The following ZNF428 variants were observed in gnomAD, a reference collection of about 807,000 sequenced individuals.
ZNF428 encodes enzyme-like protein PIT13.
Under a neutral mutation model 15.6 loss-of-function variants are expected in ZNF428, and 5 were observed. The observed-to-expected ratio is 0.32, with a 90% confidence interval of 0.17 to 0.67. The LOEUF (loss-of-function observed/expected upper bound fraction) is 0.67. Among genes scored for constraint, ZNF428 ranks in the 30% least tolerant of loss-of-function variants. The probability of loss-of-function intolerance (pLI) is 0.73; values close to 1 mark genes in which losing one functional copy is unlikely to be tolerated. For missense variants in ZNF428, 237 were observed against 256.0 expected, an observed-to-expected ratio of 0.93 and a Z score of 0.51; for synonymous variants, 97 against 102.2, an observed-to-expected ratio of 0.95 and a Z score of 0.31.
chr19:43,615,632 G>C (rs1451438275), intron 1 of ZNF428, among the ~76,000 whole-genome samples: 1 of 151,996 alleles, frequency 6.6e-6, no homozygotes, highest in Non-Finnish European at 1.5e-5. Context: ...ATTGAGCCTG[G>C]AAGGTCAAGG....
At chr19:43,618,607 A>T (rs967702525) in intron 1 of ZNF428, among the ~76,000 whole-genome samples, 1 of 118,706 alleles carries the variant, frequency 8.4e-6, no homozygotes, top group Non-Finnish European at 1.6e-5. Flanking sequence ...CGGGGGTCTC[A>T]CTATATTGCC....
intron 2 of ZNF428, among the ~76,000 whole-genome samples, chr19:43,611,078 C>T (rs1973290698): frequency 6.6e-6 from 1 of 152,164 alleles, no homozygotes. Flanking sequence ...CCCCAGGCTC[C>T]CAGCCAGGTC....
intron 2 of ZNF428, among the ~76,000 whole-genome samples, chr19:43,609,010 G>T (rs964382435): frequency 6.6e-6 from 1 of 152,100 alleles, no homozygotes; most frequent in Non-Finnish European, 1.5e-5. Flanking sequence ...TCCATGGGGA[G>T]GTGGGGTGGG....
Position 43,612,693 on chromosome 19 carries a change from T to G in ZNF428, c.76+1536A>C. ...AGGAGTGACAGCCAGCCTAGAAATC[T>G]GAGCAAGAAGAGTTACCGCCCACCA... On this transcript the variant is annotated intron_variant, in intron 2 of 2. Transcript: ENST00000300811. The surrounding 1 kb of genome is among the most constrained non-coding windows in gnomAD (Gnocchi z 4.2). The G allele has an allele frequency of 6.4e-7, 1 of 1,551,508 alleles. No individual in the cohort carries two copies.
At chr19:43,619,226 G>A (rs1254875518) in intron 1 of ZNF428, among the ~76,000 whole-genome samples, 1 of 152,114 alleles carries the variant, frequency 6.6e-6, no homozygotes, top group Admixed American at 6.5e-5. Context: ...CAGACTCCCC[G>A]TGTGGAAGCG....
intron 1 of ZNF428, 64 bp from the exon 2 acceptor site, chr19:43,614,498 A>C (rs1973352690): frequency 3.6e-6 from 5 of 1,391,602 alleles, no homozygotes; most frequent in Admixed American, 3.1e-5. Flanking sequence ...ACCCATCCCC[A>C]CCAAGCCCAA....
intron 2 of ZNF428, chr19:43,613,276 GGA>G (rs1973324534): frequency 3.2e-6 from 5 of 1,551,630 alleles, no homozygotes; most frequent in Non-Finnish European, 4.4e-6. Flanking sequence ...GCCCCAGGAA[GGA>G]GAGTGGTCGC....
intron 2 of ZNF428, 135 bp downstream of exon 2, chr19:43,614,094 G>A: frequency 6.4e-7 from 1 of 1,574,650 alleles, no homozygotes; most frequent in South Asian, 1.2e-5. Context: ...TCCCCTACTA[G>A]GACAAGCAGT....
chr19:43,616,907 C>A (rs998393224), intron 1 of ZNF428, among the ~76,000 whole-genome samples: 1 of 151,054 alleles, frequency 6.6e-6, no homozygotes, highest in Non-Finnish European at 1.5e-5. Context: ...TACCCTGCAT[C>A]AGCCTCCCTA....
intron 2 of ZNF428, among the ~76,000 whole-genome samples, chr19:43,609,979 TG>T (rs1157322789): frequency 6.6e-6 from 1 of 152,086 alleles, no homozygotes; most frequent in Non-Finnish European, 1.5e-5. Flanking sequence ...ATCCTGCTAC[TG>T]CACCCTGTGC....
Position 43,612,753 on chromosome 19 carries a change from C to G in ZNF428, c.76+1476G>C, listed in dbSNP as rs553605091. On this transcript the variant is annotated intron_variant, in intron 2 of 2. Coordinates refer to ENST00000300811, the MANE Select transcript of ZNF428 (RefSeq NM_182498.4). This position sits in a 1 kb window ranked among gnomAD's most constrained non-coding sequence, Gnocchi z 4.2. Reference sequence around the variant, plus strand: ...GGTATAGGGAGGAGTTCCGAGCTGGCTGTAACTCCCAGTACAGCCAAGTGT... The same window carrying G: ...GGTATAGGGAGGAGTTCCGAGCTGGGTGTAACTCCCAGTACAGCCAAGTGT... 198 of 1,551,642 alleles carry G rather than the reference C, an allele frequency of 1.3e-4. 2 individuals are homozygous for G. In the South Asian group the frequency reaches 2.2e-3, roughly 18 times the overall value.
chr19:43,607,514 C>A lies in ZNF428; in HGVS notation c.*103G>T, dbSNP rs748097548. 5 of 1,384,216 alleles carry A rather than the reference C, an allele frequency of 3.6e-6. No individual in the cohort carries two copies. Among genetic ancestry groups the A allele is most frequent in the Non-Finnish European group, 4.8e-6 (5 of 1,036,520 alleles). 85.7% of individuals were successfully genotyped at this position (1,384,216 alleles called of 1,614,324 possible). A position where few individuals can be genotyped will look rare whatever the true frequency, so the allele number is the denominator to read the frequency against. ...CATCTACTTCTAAGACAACACAGAC[C>A]GGCAGTACCCCATCCCCCATGACCA... On this transcript the variant is annotated 3_prime_UTR_variant, in exon 3 of 3. Transcript: ENST00000300811. This position sits in a 1 kb window ranked among gnomAD's most constrained non-coding sequence, Gnocchi z 5.1.
intron 1 of ZNF428, among the ~76,000 whole-genome samples, chr19:43,615,492 G>A (rs971016300): frequency 6.6e-6 from 1 of 151,522 alleles, no homozygotes; most frequent in Non-Finnish European, 1.5e-5. Flanking sequence ...CTGAGCTCAG[G>A]AGTTTGACAC....
chr19:43,618,024 G>A (rs1209632834), intron 1 of ZNF428, among the ~76,000 whole-genome samples: 10 of 119,506 alleles, frequency 8.4e-5, no homozygotes, highest in South Asian at 2.8e-4. Flanking sequence ...ACCATGCCCG[G>A]CTTTTTTTTT....
chr19:43,613,479 G>T, intron 2 of ZNF428: 2 of 1,545,050 alleles, frequency 1.3e-6, no homozygotes, highest in Non-Finnish European at 1.7e-6. Flanking sequence ...AGCCGATCTA[G>T]AAGTCCCAAC....
At chr19:43,613,070 C>T (rs988852413) in intron 2 of ZNF428, 34 of 1,551,292 alleles carry the variant, frequency 2.2e-5, no homozygotes, top group South Asian at 2.4e-5. Flanking sequence ...GGCAAGAAGT[C>T]GCACCCGGAA....
At chr19:43,611,004 ACCC>A (rs948807162) in intron 2 of ZNF428, among the ~76,000 whole-genome samples, 1 of 151,498 alleles carries the variant, frequency 6.6e-6, no homozygotes, top group Non-Finnish European at 1.5e-5. Flanking sequence ...CCACCTGGTG[ACCC>A]CCTACTCATC....
chr19:43,610,810 C>G (rs536677528), intron 2 of ZNF428, among the ~76,000 whole-genome samples: 90 of 152,194 alleles, frequency 5.9e-4, no homozygotes, highest in African/African-American at 2.0e-3. Context: ...CGTCCCAGAC[C>G]TCCTCATCCC....
At chr19:43,608,255 C>T in intron 2 of ZNF428, 148 bp from the exon 3 acceptor site, 1 of 1,038,450 alleles carries the variant, frequency 9.6e-7, no homozygotes, top group South Asian at 1.6e-5. Flanking sequence ...ACAGATGAGT[C>T]CCCATGGCAC....
Sources: allele counts gnomAD v4.1 joint callset (sites outside exome capture counted in the v4.1 genomes callset), GRCh38; gene constraint gnomAD v4.1.1; non-coding constraint Gnocchi (gnomAD v3.1); transcripts MANE v1.5; gene names NCBI Gene and HGNC (gene_info 2026-07-23, HGNC 2026-07-21).